GALNT13: variants seen among roughly 807,000 people sequenced by gnomAD.
GALNT13 encodes polypeptide N-acetylgalactosaminyltransferase 13.
Under a neutral mutation model 64.2 loss-of-function variants are expected in GALNT13, and 28 were observed. The observed-to-expected ratio is 0.44, with a 90% CI of 0.32 to 0.60. The LOEUF is 0.60. GALNT13 is among the 20% of genes least tolerant of loss of function. The probability of loss-of-function intolerance (pLI) is 0.05; values close to 1 mark genes in which losing one functional copy is unlikely to be tolerated. For missense variants in GALNT13, 577 were observed against 669.8 expected (o/e 0.86, Z 1.53); for synonymous variants, 214 against 224.6 (o/e 0.95, Z 0.42).
intron 4 of GALNT13, among the ~76,000 whole-genome samples, chr2:154,154,292 A>G (rs980979344): frequency 6.6e-6 from 1 of 152,338 alleles, no homozygotes; most frequent in African/African-American, 2.4e-5. Context: ...AGGAATGGAA[A>G]ATGATGATAC....
At chr2:153,857,672 T>A in the GALNT13 span, among the ~76,000 whole-genome samples, 1 of 152,340 alleles carries the variant, frequency 6.6e-6, no homozygotes, top group East Asian at 1.9e-4. Flanking sequence ...ATATATTTTT[T>A]AAAACTTTTT....
the GALNT13 span, among the ~76,000 whole-genome samples, chr2:153,230,663 A>G: frequency 5.3e-5 from 8 of 152,340 alleles, no homozygotes; most frequent in East Asian, 1.5e-3. Flanking sequence ...ATTTAAATAT[A>G]TATGAACACA....
the GALNT13 span, among the ~76,000 whole-genome samples, chr2:153,479,518 G>A: frequency 1.3e-5 from 2 of 152,172 alleles, no homozygotes; most frequent in Admixed American, 6.5e-5. Flanking sequence ...TGGCCCTTGG[G>A]TGGAGGTAGT....
intron 3 of GALNT13, among the ~76,000 whole-genome samples, chr2:153,996,767 C>T (rs1211946123): frequency 6.6e-6 from 1 of 152,004 alleles, no homozygotes; most frequent in East Asian, 1.9e-4. Flanking sequence ...TGAAGTGTTT[C>T]CCCTATGCTT....
chr2:153,407,238 A>G, the GALNT13 span, among the ~76,000 whole-genome samples: 2 of 152,304 alleles, frequency 1.3e-5, no homozygotes, highest in East Asian at 3.9e-4. Flanking sequence ...GGGGCCCAGC[A>G]ATTTGTGTTT....
intron 11 of GALNT13, among the ~76,000 whole-genome samples, chr2:154,434,986 T>C (rs1700885416): frequency 6.6e-6 from 1 of 152,216 alleles, no homozygotes; most frequent in Non-Finnish European, 1.5e-5. Context: ...CTGTTTCCTC[T>C]TTTATAATGG....
At chr2:153,463,393 C>T in the GALNT13 span, among the ~76,000 whole-genome samples, 2 of 152,046 alleles carry the variant, frequency 1.3e-5, no homozygotes, top group African/African-American at 4.8e-5. Flanking sequence ...TCTCTGAACA[C>T]TTTGTTCGTT....
chr2:153,402,322 T>C, the GALNT13 span, among the ~76,000 whole-genome samples: 1 of 151,906 alleles, frequency 6.6e-6, no homozygotes, highest in Non-Finnish European at 1.5e-5. Flanking sequence ...GGCTTCCCTT[T>C]GAGGGTAACC....
At chr2:153,404,541 C>T in the GALNT13 span, among the ~76,000 whole-genome samples, 3 of 151,100 alleles carry the variant, frequency 2.0e-5, no homozygotes, top group Admixed American at 2.0e-4. Flanking sequence ...GAAAAAAAAT[C>T]TAGGAAAAGT....
At chr2:153,450,144 T>C in the GALNT13 span, among the ~76,000 whole-genome samples, 2 of 152,214 alleles carry the variant, frequency 1.3e-5, no homozygotes, top group Non-Finnish European at 2.9e-5. Flanking sequence ...GGAGAGTTCA[T>C]GTAACCACTC....
the GALNT13 span, among the ~76,000 whole-genome samples, chr2:153,441,273 T>C: frequency 6.6e-6 from 1 of 152,206 alleles, no homozygotes; most frequent in Admixed American, 6.5e-5. Context: ...TGTGGCATTA[T>C]TACTGAGACC....
chr2:154,335,001 T>A (rs1417220424), intron 9 of GALNT13, among the ~76,000 whole-genome samples: 1 of 152,026 alleles, frequency 6.6e-6, no homozygotes, highest in African/African-American at 2.4e-5. Flanking sequence ...CCACTAGTCT[T>A]CTTTTACCCT....
chr2:153,493,672 A>T, the GALNT13 span, among the ~76,000 whole-genome samples: 356 of 152,094 alleles, frequency 2.3e-3, no homozygotes, highest in African/African-American at 7.8e-3. Flanking sequence ...AAACCTGACA[A>T]AGATACTACA....
chr2:153,846,578 A>G, the GALNT13 span, among the ~76,000 whole-genome samples: 1 of 152,186 alleles, frequency 6.6e-6, no homozygotes, highest in African/African-American at 2.4e-5. Flanking sequence ...TCTAACAAAT[A>G]TAATTTAAAG....
chr2:153,535,823 C>T, the GALNT13 span, among the ~76,000 whole-genome samples: 2 of 152,216 alleles, frequency 1.3e-5, no homozygotes, highest in African/African-American at 4.8e-5. Context: ...AACTGCTTGG[C>T]TGATTTGACT....
the GALNT13 span, among the ~76,000 whole-genome samples, chr2:153,077,284 GA>G: frequency 2.7e-5 from 4 of 149,158 alleles, no homozygotes; most frequent in South Asian, 2.1e-4. Flanking sequence ...TCTAGCTGCA[GA>G]AAAAAAAATG....
chr2:153,931,384 G>C (rs1372370890), intron 2 of GALNT13, among the ~76,000 whole-genome samples: 1 of 151,662 alleles, frequency 6.6e-6, no homozygotes, highest in Non-Finnish European at 1.5e-5. Flanking sequence ...GTATGTTGCT[G>C]AATAGGAGTA....
the GALNT13 span, among the ~76,000 whole-genome samples, chr2:153,113,630 G>C: frequency 6.6e-6 from 1 of 152,014 alleles, no homozygotes; most frequent in Non-Finnish European, 1.5e-5. Flanking sequence ...TTGTAAGTCA[G>C]TCAGCTAACA....
chr2:153,478,629 A>G, the GALNT13 span: 4 of 1,323,116 alleles, frequency 3.0e-6, no homozygotes, highest in Non-Finnish European at 4.1e-6. Flanking sequence ...GCGGCGCTGG[A>G]GGAACAGGTG....
Sources: allele counts gnomAD v4.1 joint callset (sites outside exome capture counted in the v4.1 genomes callset), GRCh38; gene constraint gnomAD v4.1.1; transcripts MANE v1.5; gene names NCBI Gene and HGNC (gene_info 2026-07-23, HGNC 2026-07-21).